Variants in ROR1 observed in about 807,000 individuals in gnomAD.
ROR1 encodes ROR family WNT receptor 1.
ROR1 carries 19 observed loss-of-function variants against 78.8 expected under a neutral mutation model. The ratio of observed to expected loss-of-function variants is 0.24; its 90% CI spans 0.17 to 0.35. The LOEUF (loss-of-function observed/expected upper bound fraction) is 0.35, where lower values mean the gene tolerates loss of function less well. ROR1 is among the 10% of genes least tolerant of loss of function. The pLI is 1.00. For missense variants in ROR1, 917 were observed against 1,177.8 expected, an observed-to-expected ratio of 0.78 and a Z score of 3.24; for synonymous variants, 386 against 433.6, an observed-to-expected ratio of 0.89 and a Z score of 1.36.
At chr1:63,783,471 A>G (rs1228535951) in intron 1 of ROR1, among the ~76,000 whole-genome samples, 1 of 152,136 alleles carries the variant, frequency 6.6e-6, no homozygotes, top group Non-Finnish European at 1.5e-5. Context: ...GCCAAGTACT[A>G]TTCTAAGTTC....
intron 4 of ROR1, among the ~76,000 whole-genome samples, chr1:64,109,597 G>A (rs879425210): frequency 1.3e-5 from 2 of 152,036 alleles, no homozygotes; most frequent in East Asian, 1.9e-4. Context: ...TCACAATCTC[G>A]GCTCACTGCG....
At position 63,976,879 on chromosome 1, in the gene ROR1, A is replaced by G. The variant is rs55698751; in HGVS notation, c.92-32426A>G. ...AATTCATTATGTTTCATATACACCT[A>G]TATTAGTCCATTCTCACACTGCTAA... On this transcript the variant is annotated intron_variant, in intron 1 of 8. Transcript: ENST00000371079. Among the ~76,000 whole-genome samples the G allele has an allele frequency of 9.3e-3, 1,424 of 152,318 alleles. 16 individuals carry two copies. The highest frequency in any genetic ancestry group is 0.018 in the Admixed American group (279 of 15,300).
intron 1 of ROR1, among the ~76,000 whole-genome samples, chr1:63,853,968 T>G (rs1234106736): frequency 6.6e-6 from 1 of 152,182 alleles, no homozygotes; most frequent in Non-Finnish European, 1.5e-5. Flanking sequence ...ATGGGAATTT[T>G]AACTAATGCT....
intron 1 of ROR1, among the ~76,000 whole-genome samples, chr1:63,996,850 T>C (rs570423372): frequency 9.2e-5 from 14 of 152,100 alleles, no homozygotes; most frequent in African/African-American, 2.4e-4. Context: ...TGAGGAGAGA[T>C]CATGGCTATG....
At chr1:63,887,924 C>T (rs971729623) in intron 1 of ROR1, among the ~76,000 whole-genome samples, 2 of 152,086 alleles carry the variant, frequency 1.3e-5, no homozygotes, top group South Asian at 2.1e-4. Context: ...AGAATGACAC[C>T]TTGAGATGTG....
At chr1:64,025,134 C>T (rs1646597451) in intron 2 of ROR1, among the ~76,000 whole-genome samples, 1 of 152,148 alleles carries the variant, frequency 6.6e-6, no homozygotes, top group Non-Finnish European at 1.5e-5. Context: ...GTAATCACTT[C>T]CTTTTCAGTC....
chr1:64,055,511 A>T (rs1557630117), intron 4 of ROR1, among the ~76,000 whole-genome samples: 1 of 152,240 alleles, frequency 6.6e-6, no homozygotes, highest in African/African-American at 2.4e-5. Context: ...ACATGTAGAG[A>T]AATGTTCCCT....
Position 64,178,531 on chromosome 1 carries a change from G to A in ROR1, c.2490G>A (p.Ala830=), listed in dbSNP as rs146764088. The A allele has an allele frequency of 1.4e-4, 222 of 1,614,140 alleles. No homozygotes were observed. Among genetic ancestry groups the A allele is most frequent in the African/African-American group, 3.6e-4 (27 of 75,022 alleles). ...ACCCAATACCTCCTGGATATGCAGCGTTTCCAGCTGCCCACTACCAGCCAA... is the reference window on the plus strand; with the variant it reads ...ACCCAATACCTCCTGGATATGCAGCATTTCCAGCTGCCCACTACCAGCCAA... ...NGYPIPPGYA[A]FPAAHYQPTG... is the part of the protein sequence containing the mutation. The change falls in exon 9 of 9, where the codon GCG becomes GCA. Residue 830 remains alanine, a synonymous_variant. Coordinates refer to ENST00000371079, the MANE Select transcript of ROR1 (RefSeq NM_005012.4). This position sits in a 1 kb window ranked among gnomAD's most constrained non-coding sequence, Gnocchi z 4.3.
intron 1 of ROR1, among the ~76,000 whole-genome samples, chr1:63,817,722 G>A (rs1255340312): frequency 1.3e-5 from 2 of 152,182 alleles, no homozygotes; most frequent in African/African-American, 2.4e-5. Context: ...CTCGAGAAGG[G>A]TTAAAGGGAG....
intron 1 of ROR1, among the ~76,000 whole-genome samples, chr1:63,798,721 A>G (rs887553840): frequency 6.6e-6 from 1 of 152,164 alleles, no homozygotes; most frequent in African/African-American, 2.4e-5. Context: ...CCAGAGATGA[A>G]CCATTATTCC....
intron 4 of ROR1, among the ~76,000 whole-genome samples, chr1:64,116,574 A>G (rs569954799): frequency 3.6e-4 from 55 of 152,346 alleles, no homozygotes; most frequent in African/African-American, 1.2e-3. Context: ...AACTAACATA[A>G]GAAGGAATCT....
At position 63,796,518 on chromosome 1, in the gene ROR1, G is replaced by GT. The variant is rs201685816; in HGVS notation, c.91+22017dup. 8.6e-3 allele frequency among the ~76,000 whole-genome samples: 1,307 copies of GT among 152,208 alleles called. 9 individuals carry two copies. The highest frequency in any genetic ancestry group is 0.013 in the Admixed American group (202 of 15,272). On this transcript the variant is annotated intron_variant, in intron 1 of 8. Transcript: ENST00000371079. ...CTGCTCTAGTAATGTATTATTTTGT[G>GT]TTTTTTTCCAAATGCATATTAAAAT...
At chr1:64,116,271 C>T (rs1358473751) in intron 4 of ROR1, among the ~76,000 whole-genome samples, 1 of 152,136 alleles carries the variant, frequency 6.6e-6, no homozygotes, top group Non-Finnish European at 1.5e-5. Flanking sequence ...TGATATTGAA[C>T]ATTAAACTGG....
intron 4 of ROR1, among the ~76,000 whole-genome samples, chr1:64,119,261 T>G (rs919352539): frequency 6.6e-6 from 1 of 152,212 alleles, no homozygotes; most frequent in African/African-American, 2.4e-5. Context: ...AGTTGAATTT[T>G]TCTGAGAGGC....
At chr1:64,013,315 T>C (rs1646492447) in intron 2 of ROR1, among the ~76,000 whole-genome samples, 1 of 152,188 alleles carries the variant, frequency 6.6e-6, no homozygotes, top group South Asian at 2.1e-4. Flanking sequence ...CCTTCCACAC[T>C]TTAGTGTTCA....
At chr1:63,886,296 G>A (rs1306613738) in intron 1 of ROR1, among the ~76,000 whole-genome samples, 4 of 152,164 alleles carry the variant, frequency 2.6e-5, no homozygotes, top group East Asian at 1.9e-4. Context: ...AGTACTAGTC[G>A]TGGCCCTGGA....
chr1:64,098,085 C>A (rs1474416748), intron 4 of ROR1, among the ~76,000 whole-genome samples: 1 of 152,110 alleles, frequency 6.6e-6, no homozygotes, highest in Non-Finnish European at 1.5e-5. Flanking sequence ...TTCTGCCACT[C>A]GACAGGAACT....
chr1:63,923,329 C>T (rs1364728730), intron 1 of ROR1, among the ~76,000 whole-genome samples: 1 of 152,058 alleles, frequency 6.6e-6, no homozygotes, highest in Non-Finnish European at 1.5e-5. Flanking sequence ...TTGGTTTGGG[C>T]TGGTTACTCA....
rs1645589562 is a variant in ROR1, at chr1:63,913,860, G to A, written c.92-95445G>A. The stretch of plus-strand genomic sequence containing the variant: ...TTTAATGGCTTTTTACACATGATGA[G>A]CACTTTATTGTCTGCAGTTTAAAAC... On this transcript the variant is annotated intron_variant, in intron 1 of 8. Coordinates refer to ENST00000371079, the MANE Select transcript of ROR1 (RefSeq NM_005012.4). Among the ~76,000 whole-genome samples, 3 of 152,306 alleles carry A rather than the reference G, an allele frequency of 2.0e-5. No individual in the cohort carries two copies. In the South Asian group the frequency reaches 6.2e-4, roughly 32 times the overall value.
Sources: gnomAD v4.1 joint callset for allele counts (sites outside exome capture counted in the v4.1 genomes callset) on GRCh38, gnomAD v4.1.1 for gene constraint, Gnocchi (gnomAD v3.1) non-coding constraint, MANE v1.5 for transcripts, NCBI Gene and HGNC (gene_info 2026-07-23, HGNC 2026-07-21) for gene names.